The following CYYR1 variants were observed in gnomAD, a reference collection of about 807,000 sequenced individuals.
CYYR1 encodes the protein cysteine and tyrosine rich 1.
In CYYR1, 14 loss-of-function variants were observed where a neutral mutation model predicts 15.2. The observed-to-expected ratio is 0.92, with a 90% CI of 0.61 to 1.44. The LOEUF is 1.44. Among genes scored for constraint, CYYR1 ranks in the 40% most tolerant of loss-of-function variants. CYYR1 has a pLI of 0.00. For synonymous variants in CYYR1, 80 were observed against 77.4 expected, an observed-to-expected ratio of 1.03 and a Z score of -0.18; for missense variants, 228 against 209.5, an observed-to-expected ratio of 1.09 and a Z score of -0.54.
intron 2 of CYYR1, among the ~76,000 whole-genome samples, chr21:26,499,958 C>A (rs114389995): frequency 1.8e-3 from 271 of 151,742 alleles, no homozygotes; most frequent in African/African-American, 6.3e-3. Context: ...CCTTGGGCTG[C>A]TATGACAAAT....
At chr21:26,494,226 T>C (rs1422301566) in intron 2 of CYYR1, among the ~76,000 whole-genome samples, 1 of 152,120 alleles carries the variant, frequency 6.6e-6, no homozygotes, top group Admixed American at 6.6e-5. Context: ...TTAATGAACA[T>C]TGAAAAAAGA....
At chr21:26,518,401 T>C (rs1430192839) in intron 2 of CYYR1, 1 of 152,198 alleles carries the variant, frequency 6.6e-6, no homozygotes, top group Non-Finnish European at 1.5e-5. Flanking sequence ...TTATCCCAGG[T>C]GTGGATTAGT....
rs1227098756 is a variant in CYYR1, at chr21:26,466,510, A to C, written c.*1991T>G. The C allele has an allele frequency of 6.6e-6, 1 of 152,174 alleles. No homozygotes were observed. Among genetic ancestry groups the C allele is most frequent in the African/African-American group, 2.4e-5 (1 of 41,458 alleles). 9.4% of individuals were successfully genotyped at this position (152,174 alleles called of 1,614,324 possible). A position where few individuals can be genotyped will look rare whatever the true frequency, so the allele number is the denominator to read the frequency against. ...ACAACTCAAAGAAGAGATGGTGTGG[A>C]CTGAACTGGCTTCTATTTGGGGAAA... On this transcript the variant is annotated 3_prime_UTR_variant, in exon 4 of 4. Coordinates refer to ENST00000652641, the MANE Select transcript of CYYR1 (RefSeq NM_001320768.2).
At chr21:26,522,327 C>T (rs945841804) in intron 2 of CYYR1, among the ~76,000 whole-genome samples, 2 of 152,036 alleles carry the variant, frequency 1.3e-5, no homozygotes, top group Non-Finnish European at 2.9e-5. Flanking sequence ...GTTATATGAT[C>T]CAGTAGCTTT....
chr21:26,482,604 G>T, intron 2 of CYYR1: 1 of 694,246 alleles, frequency 1.4e-6, no homozygotes, highest in South Asian at 6.5e-5. Flanking sequence ...CGACTCAAAG[G>T]AAAGTAGATT....
intron 2 of CYYR1, among the ~76,000 whole-genome samples, chr21:26,556,673 T>G (rs563008061): frequency 6.6e-6 from 1 of 152,156 alleles, no homozygotes; most frequent in African/African-American, 2.4e-5. Flanking sequence ...GGCTACACAC[T>G]TTTAAACAAC....
chr21:26,487,778 A>G (rs1049471710), intron 2 of CYYR1, among the ~76,000 whole-genome samples: 2 of 151,990 alleles, frequency 1.3e-5, no homozygotes, highest in Non-Finnish European at 2.9e-5. Flanking sequence ...ACATCTATGT[A>G]TACGTGTATC....
chr21:26,552,088 G>A (rs1979432927), intron 2 of CYYR1: 1 of 152,230 alleles, frequency 6.6e-6, no homozygotes, highest in South Asian at 2.1e-4. Flanking sequence ...CTTGCTGAAG[G>A]CTCGGATGAT....
At chr21:26,500,688 G>T (rs971837434) in intron 2 of CYYR1, among the ~76,000 whole-genome samples, 4 of 152,034 alleles carry the variant, frequency 2.6e-5, no homozygotes, top group Non-Finnish European at 2.9e-5. Context: ...AGGACTTCTG[G>T]GTGGGAAATG....
chr21:26,466,783 TTATG>T lies in CYYR1; in HGVS notation c.*1714_*1717del, dbSNP rs1325762908. ...TACTATTAAAATTGCACTGAAAACT[TTATG>T]TAAGTCAGGGAGCCCCTCACCAGAA... On this transcript the variant is annotated 3_prime_UTR_variant, in exon 4 of 4. Transcript: ENST00000652641. The T allele has an allele frequency of 2.0e-5, 3 of 152,102 alleles. No homozygotes were observed. Among genetic ancestry groups the T allele is most frequent in the Non-Finnish European group, 2.9e-5 (2 of 68,012 alleles). The allele number at this position is 152,102 out of a possible 1,614,324, so 9.4% of individuals were successfully genotyped here.
intron 2 of CYYR1, among the ~76,000 whole-genome samples, chr21:26,493,992 A>T (rs977027273): frequency 6.6e-6 from 1 of 152,218 alleles, no homozygotes; most frequent in African/African-American, 2.4e-5. Context: ...AACTTCTGTT[A>T]AACATAAATT....
chr21:26,489,916 A>G (rs2065304119), intron 2 of CYYR1, among the ~76,000 whole-genome samples: 1 of 152,082 alleles, frequency 6.6e-6, no homozygotes, highest in Admixed American at 6.5e-5. Flanking sequence ...GAAAAACAAA[A>G]CACCTTAGAT....
rs537617941 is a variant in CYYR1 at position 26,467,873 on chromosome 21, C to G, written c.*628G>C. Reference sequence around the variant, plus strand: ...GCAGAACTTCTGAGGCCCAATGAACCCATCTACTATTTGATTTTGTTATCC... The same window carrying G: ...GCAGAACTTCTGAGGCCCAATGAACGCATCTACTATTTGATTTTGTTATCC... On this transcript the variant is annotated 3_prime_UTR_variant, in exon 4 of 4. Transcript: ENST00000652641. 1 of 154,866 alleles carries G rather than the reference C, an allele frequency of 6.5e-6. No homozygotes were observed. The highest frequency in any genetic ancestry group is 1.4e-5 in the Non-Finnish European group (1 of 69,686). The allele number at this position is 154,866 out of a possible 1,614,324, so 9.6% of individuals were successfully genotyped here.
chr21:26,538,007 A>T (rs1226819368), intron 2 of CYYR1, among the ~76,000 whole-genome samples: 1 of 152,202 alleles, frequency 6.6e-6, no homozygotes, highest in Admixed American at 6.5e-5. Flanking sequence ...CAATCAGTCT[A>T]CGTTGTTTTA....
intron 2 of CYYR1, among the ~76,000 whole-genome samples, chr21:26,554,602 T>C (rs938850359): frequency 6.6e-6 from 1 of 151,954 alleles, no homozygotes; most frequent in Non-Finnish European, 1.5e-5. Flanking sequence ...AGGCCGAGAG[T>C]GCTCTCCTGG....
chr21:26,506,619 T>G (rs1301642725), intron 2 of CYYR1: 1 of 152,214 alleles, frequency 6.6e-6, no homozygotes, highest in Non-Finnish European at 1.5e-5. Flanking sequence ...GTTTTTGGTA[T>G]GAAGATCTCC....
chr21:26,561,662 G>C (rs921624684), intron 2 of CYYR1, among the ~76,000 whole-genome samples: 7 of 152,010 alleles, frequency 4.6e-5, no homozygotes, highest in Non-Finnish European at 1.0e-4. Context: ...TGGCCAGATG[G>C]GGCTCTGAAG....
At chr21:26,516,345 A>G (rs984787203) in intron 2 of CYYR1, among the ~76,000 whole-genome samples, 7 of 152,360 alleles carry the variant, frequency 4.6e-5, no homozygotes, top group Admixed American at 2.0e-4. Context: ...AAGACTTGTC[A>G]TTTGATAAAT....
chr21:26,570,887 C>T (rs1417911375), intron 1 of CYYR1, among the ~76,000 whole-genome samples: 2 of 152,292 alleles, frequency 1.3e-5, no homozygotes, highest in Middle Eastern at 3.4e-3. Flanking sequence ...CACTCCGTCT[C>T]GTTGGGTTCA....
Sources: allele counts gnomAD v4.1 joint callset (sites outside exome capture counted in the v4.1 genomes callset), GRCh38; gene constraint gnomAD v4.1.1; transcripts MANE v1.5; gene names NCBI Gene and HGNC (gene_info 2026-07-23, HGNC 2026-07-21).